STAU2: variants seen among roughly 807,000 people sequenced by gnomAD.
STAU2 encodes the protein staufen double-stranded RNA binding protein 2.
Under a neutral mutation model 65.9 loss-of-function variants are expected in STAU2, and 20 were observed. The ratio of observed to expected loss-of-function variants is 0.30; its 90% CI spans 0.21 to 0.44. The LOEUF is 0.44. STAU2 is among the 20% of genes least tolerant of loss of function. The pLI is 1.00. For synonymous variants in STAU2, 232 were observed against 233.9 expected, an observed-to-expected ratio of 0.99 and a Z score of 0.07; for missense variants, 558 against 683.9, an observed-to-expected ratio of 0.82 and a Z score of 2.05.
chr8:73,739,645 T>C, intron 2 of STAU2, 111 bp downstream of exon 2: 1 of 965,770 alleles, frequency 1.0e-6, no homozygotes, highest in Non-Finnish European at 1.4e-6. Flanking sequence ...CATCAATTTT[T>C]ATTTATTTTC....
intron 13 of STAU2, among the ~76,000 whole-genome samples, chr8:73,469,006 G>A (rs1316448667): frequency 1.3e-5 from 2 of 151,926 alleles, no homozygotes; most frequent in Non-Finnish European, 2.9e-5. Flanking sequence ...ACATGCACAC[G>A]TATGTTTATT....
intron 4 of STAU2, among the ~76,000 whole-genome samples, chr8:73,704,309 TAA>T (rs1313702580): frequency 6.6e-6 from 1 of 152,064 alleles, no homozygotes; most frequent in Non-Finnish European, 1.5e-5. Context: ...TATTAATAAA[TAA>T]AAGAGACCAA....
intron 6 of STAU2, among the ~76,000 whole-genome samples, chr8:73,660,267 T>G (rs547426776): frequency 1.6e-3 from 239 of 152,192 alleles, no homozygotes; most frequent in African/African-American, 5.5e-3. Context: ...CTGTCTCTAC[T>G]AAAAACACAA....
At chr8:73,478,169 A>G (rs1055613) in intron 13 of STAU2, among the ~76,000 whole-genome samples, 116,942 of 151,356 alleles carry the variant, frequency 0.77, 45,619 homozygotes, top group East Asian at 0.95. Flanking sequence ...GATAAGGGCT[A>G]TAAAGATTAA....
At chr8:73,496,385 T>C (rs576547168) in intron 13 of STAU2, among the ~76,000 whole-genome samples, 8 of 151,804 alleles carry the variant, frequency 5.3e-5, no homozygotes, top group African/African-American at 1.9e-4. Context: ...CTGGAATGTG[T>C]ATGTGTCTGT....
At chr8:73,566,173 T>C (rs1045092797) in intron 12 of STAU2, among the ~76,000 whole-genome samples, 1 of 152,158 alleles carries the variant, frequency 6.6e-6, no homozygotes. Context: ...GCCCTAATAA[T>C]CTATGAATCA....
At chr8:73,494,435 G>A (rs1821296821) in intron 13 of STAU2, among the ~76,000 whole-genome samples, 1 of 151,646 alleles carries the variant, frequency 6.6e-6, no homozygotes, top group Non-Finnish European at 1.5e-5. Context: ...GATTGCAAGT[G>A]ACTTACAAAC....
At chr8:73,692,496 T>A (rs926131328) in intron 4 of STAU2, among the ~76,000 whole-genome samples, 1 of 152,080 alleles carries the variant, frequency 6.6e-6, no homozygotes, top group African/African-American at 2.4e-5. Context: ...ACGCCGGCCC[T>A]CCTATGTACT....
At chr8:73,687,516 A>G (rs1455350972) in intron 5 of STAU2, among the ~76,000 whole-genome samples, 1 of 143,128 alleles carries the variant, frequency 7.0e-6, no homozygotes, top group East Asian at 2.0e-4. Flanking sequence ...TATATATATA[A>G]CTATATATTT....
At chr8:73,729,892 G>A (rs183554039) in intron 3 of STAU2, among the ~76,000 whole-genome samples, 3 of 152,176 alleles carry the variant, frequency 2.0e-5, no homozygotes, top group South Asian at 2.1e-4. Flanking sequence ...CCACACTCAC[G>A]TCTAGTTTTA....
chr8:73,426,156 T>C (rs1816809722), intron 13 of STAU2, among the ~76,000 whole-genome samples: 1 of 147,826 alleles, frequency 6.8e-6, no homozygotes, highest in Admixed American at 6.8e-5. Context: ...GTCTTAACAC[T>C]GTAGGTAACC....
At chr8:73,582,921 C>T in intron 11 of STAU2, 91 bp from the exon 12 acceptor site, 1 of 1,144,620 alleles carries the variant, frequency 8.7e-7, no homozygotes. Context: ...AAGGCAAAGT[C>T]CTCTCACATG....
chr8:73,660,284 G>C (rs1816730535), intron 6 of STAU2, among the ~76,000 whole-genome samples: 1 of 152,152 alleles, frequency 6.6e-6, no homozygotes, highest in Non-Finnish European at 1.5e-5. Flanking sequence ...ACAAAAATTA[G>C]CTGGGCATGG....
At chr8:73,475,948 A>G (rs918299885) in intron 13 of STAU2, among the ~76,000 whole-genome samples, 3 of 152,242 alleles carry the variant, frequency 2.0e-5, no homozygotes, top group Non-Finnish European at 2.9e-5. Context: ...TAATGACACT[A>G]AATGTTTACT....
chr8:73,540,509 T>C (rs973412390), intron 13 of STAU2, among the ~76,000 whole-genome samples: 1 of 152,238 alleles, frequency 6.6e-6, no homozygotes, highest in African/African-American at 2.4e-5. Context: ...TGTAACCAAT[T>C]ATGTAATGAA....
chr8:73,686,158 T>TA (rs2130499771), intron 5 of STAU2, among the ~76,000 whole-genome samples: 1 of 152,326 alleles, frequency 6.6e-6, no homozygotes, highest in South Asian at 2.1e-4. Flanking sequence ...CTCACGCCTG[T>TA]AATCCCAACA....
At chr8:73,515,926 A>G (rs951645156) in intron 13 of STAU2, among the ~76,000 whole-genome samples, 6 of 148,302 alleles carry the variant, frequency 4.0e-5, no homozygotes. Context: ...TTGATAGGGC[A>G]CTGACTCTTT....
chr8:73,737,856 C>A (rs1806554920), intron 3 of STAU2, among the ~76,000 whole-genome samples: 1 of 149,318 alleles, frequency 6.7e-6, no homozygotes, highest in Non-Finnish European at 1.5e-5. Flanking sequence ...TTTATCAGGG[C>A]ACTTCCTTCT....
At chr8:73,581,767 T>G (rs1326100757) in intron 12 of STAU2, among the ~76,000 whole-genome samples, 2 of 7,456 alleles carry the variant, frequency 2.7e-4, no homozygotes, top group African/African-American at 3.8e-3. Flanking sequence ...ATTACCTCAC[T>G]GAAATAATTC....
Sources: allele counts gnomAD v4.1 joint callset (sites outside exome capture counted in the v4.1 genomes callset), GRCh38; gene constraint gnomAD v4.1.1; transcripts MANE v1.5; gene names NCBI Gene and HGNC (gene_info 2026-07-23, HGNC 2026-07-21).